The following RBFOX1 variants were observed in gnomAD, a reference collection of about 807,000 sequenced individuals.
RBFOX1 encodes the protein RNA binding protein fox-1 homolog 1.
Under a neutral mutation model 57.7 loss-of-function variants are expected in RBFOX1, and 8 were observed. The ratio of observed to expected loss-of-function variants is 0.14; its 90% CI spans 0.08 to 0.25. The LOEUF (loss-of-function observed/expected upper bound fraction) is 0.25. RBFOX1 is among the 10% of genes least tolerant of loss of function. The pLI is 1.00. For synonymous variants in RBFOX1, 326 were observed against 222.4 expected (o/e 1.47, Z -4.15); for missense variants, 611 against 548.5 (o/e 1.11, Z -1.14).
intron 3 of RBFOX1, among the ~76,000 whole-genome samples, chr16:5,763,445 GACAGC>G (rs2053657860): frequency 6.6e-6 from 1 of 152,240 alleles, no homozygotes; most frequent in Non-Finnish European, 1.5e-5. Context: ...CTTGGAGGGA[GACAGC>G]CAGATTCTGG....
At chr16:7,452,242 C>G (rs577990835) in intron 4 of RBFOX1, among the ~76,000 whole-genome samples, 1 of 152,154 alleles carries the variant, frequency 6.6e-6, no homozygotes, top group Non-Finnish European at 1.5e-5. Context: ...TTGGTTAAAG[C>G]ACTTTAGTAA....
chr16:5,899,414 A>T (rs1051130674), intron 4 of RBFOX1, among the ~76,000 whole-genome samples: 9 of 152,166 alleles, frequency 5.9e-5, no homozygotes, highest in Non-Finnish European at 1.2e-4. Flanking sequence ...TGACAAGCTG[A>T]GACTGAATGA....
chr16:6,334,844 A>G (rs1431398742), intron 2 of RBFOX1, among the ~76,000 whole-genome samples: 1 of 152,182 alleles, frequency 6.6e-6, no homozygotes, highest in Non-Finnish European at 1.5e-5. Flanking sequence ...ATTCTGCTCT[A>G]GACAGAAGAA....
intron 3 of RBFOX1, among the ~76,000 whole-genome samples, chr16:6,896,945 A>G (rs1352970104): frequency 2.0e-5 from 3 of 152,326 alleles, no homozygotes; most frequent in Non-Finnish European, 2.9e-5. Context: ...AAACTCTGCC[A>G]CAACTCAGAA....
chr16:6,447,742 G>T (rs538818780), intron 2 of RBFOX1, among the ~76,000 whole-genome samples: 1 of 152,292 alleles, frequency 6.6e-6, no homozygotes, highest in South Asian at 2.1e-4. Flanking sequence ...AAATGCTGCT[G>T]AAGAGTTATG....
At chr16:7,488,079 C>T (rs556768422) in intron 4 of RBFOX1, among the ~76,000 whole-genome samples, 16 of 152,198 alleles carry the variant, frequency 1.1e-4, no homozygotes, top group African/African-American at 3.9e-4. Flanking sequence ...TAAAGAGATG[C>T]TGTTAGAGGG....
At chr16:6,637,788 G>A (rs1208806206) in intron 2 of RBFOX1, among the ~76,000 whole-genome samples, 1 of 151,818 alleles carries the variant, frequency 6.6e-6, no homozygotes, top group Non-Finnish European at 1.5e-5. Context: ...TATTTAGCAG[G>A]AGGGCAGGAT....
intron 1 of RBFOX1, among the ~76,000 whole-genome samples, chr16:5,443,048 G>A (rs1287008266): frequency 2.0e-5 from 3 of 152,156 alleles, no homozygotes; most frequent in Admixed American, 1.3e-4. Flanking sequence ...GACTGAAAGA[G>A]GCAAGGAACA....
intron 2 of RBFOX1, among the ~76,000 whole-genome samples, chr16:6,523,093 T>C (rs1444581461): frequency 6.6e-6 from 1 of 152,290 alleles, no homozygotes; most frequent in East Asian, 1.9e-4. Flanking sequence ...TAAAATAATC[T>C]TATGTGTTTG....
intron 3 of RBFOX1, among the ~76,000 whole-genome samples, chr16:6,887,042 C>G (rs1000967264): frequency 6.6e-6 from 1 of 152,162 alleles, no homozygotes; most frequent in Non-Finnish European, 1.5e-5. Flanking sequence ...ACTGGTGAGT[C>G]TCCATACTTG....
At chr16:5,551,921 G>T (rs890634745) in intron 2 of RBFOX1, among the ~76,000 whole-genome samples, 5 of 152,054 alleles carry the variant, frequency 3.3e-5, no homozygotes, top group African/African-American at 1.2e-4. Flanking sequence ...TGAGTTTGCT[G>T]AGAATGATGG....
chr16:6,494,061 A>C (rs1257862350), intron 2 of RBFOX1, among the ~76,000 whole-genome samples: 1 of 151,618 alleles, frequency 6.6e-6, no homozygotes, highest in Non-Finnish European at 1.5e-5. Flanking sequence ...AATGTTCTTA[A>C]TTGAAATTTT....
At chr16:7,330,128 C>G (rs2096665063) in intron 4 of RBFOX1, among the ~76,000 whole-genome samples, 1 of 152,112 alleles carries the variant, frequency 6.6e-6, no homozygotes, top group African/African-American at 2.4e-5. Flanking sequence ...TATATACAGT[C>G]ATCCCTCAAT....
intron 3 of RBFOX1, among the ~76,000 whole-genome samples, chr16:5,633,909 A>G (rs1413208787): frequency 4.6e-5 from 7 of 152,114 alleles, no homozygotes; most frequent in African/African-American, 1.4e-4. Context: ...AAGAAGATAT[A>G]CAGACACCCA....
intron 7 of RBFOX1, among the ~76,000 whole-genome samples, chr16:7,590,891 C>T (rs1403045238): frequency 6.9e-6 from 1 of 145,210 alleles, no homozygotes; most frequent in Non-Finnish European, 1.5e-5. Context: ...AAAAGCTACA[C>T]TTTGATCTTT....
At chr16:6,415,833 T>C (rs900274402) in intron 2 of RBFOX1, among the ~76,000 whole-genome samples, 64 of 152,332 alleles carry the variant, frequency 4.2e-4, no homozygotes, top group Non-Finnish European at 8.7e-4. Context: ...ACAGCTAACG[T>C]AGGGACTTCG....
chr16:7,334,214 C>T (rs569425043), intron 4 of RBFOX1, among the ~76,000 whole-genome samples: 9 of 152,176 alleles, frequency 5.9e-5, no homozygotes, highest in Admixed American at 2.6e-4. Flanking sequence ...CACAACAAAA[C>T]ATTCTCTCTT....
chr16:6,853,993 C>G (rs572430598), intron 3 of RBFOX1, among the ~76,000 whole-genome samples: 24 of 152,226 alleles, frequency 1.6e-4, no homozygotes, highest in African/African-American at 5.5e-4. Context: ...AGCTATTAGT[C>G]TGCAGGCCAG....
intron 4 of RBFOX1, among the ~76,000 whole-genome samples, chr16:7,098,488 A>G (rs569489951): frequency 1.3e-5 from 2 of 152,268 alleles, no homozygotes; most frequent in South Asian, 2.1e-4. Flanking sequence ...CTCTTATTCT[A>G]TTCATTCATT....
Sources: gnomAD v4.1 joint callset for allele counts (sites outside exome capture counted in the v4.1 genomes callset) on GRCh38, gnomAD v4.1.1 for gene constraint, MANE v1.5 for transcripts, NCBI Gene and HGNC (gene_info 2026-07-23, HGNC 2026-07-21) for gene names.